Variants in LUZP2 observed in about 807,000 individuals in gnomAD.
LUZP2 encodes the protein leucine zipper protein 2.
A neutral mutation model predicts 51.6 loss-of-function variants in LUZP2; 52 were observed. The observed-to-expected ratio is 1.01, with a 90% CI of 0.81 to 1.27. The LOEUF (loss-of-function observed/expected upper bound fraction) is 1.27, where lower values mean the gene tolerates loss of function less well. Ranked by LOEUF, LUZP2 falls within the 50% of genes most tolerant of loss-of-function variation. The pLI is 0.00. For synonymous variants in LUZP2, 154 were observed against 137.3 expected (o/e 1.12, Z -0.85); for missense variants, 436 against 395.4 (o/e 1.10, Z -0.87).
At chr11:24,515,584 G>A (rs1850438709) in intron 1 of LUZP2, among the ~76,000 whole-genome samples, 1 of 152,138 alleles carries the variant, frequency 6.6e-6, no homozygotes, top group African/African-American at 2.4e-5. Context: ...GGGAATAGCT[G>A]TGTAAGGTGT....
At chr11:24,733,456 C>A (rs1858796849) in intron 3 of LUZP2, among the ~76,000 whole-genome samples, 1 of 151,646 alleles carries the variant, frequency 6.6e-6, no homozygotes, top group East Asian at 1.9e-4. Context: ...AATAGAAAAT[C>A]TTGTCATTTG....
At chr11:24,692,506 TA>T (rs929271189) in intron 1 of LUZP2, among the ~76,000 whole-genome samples, 1 of 152,010 alleles carries the variant, frequency 6.6e-6, no homozygotes, top group African/African-American at 2.4e-5. Context: ...CTGTTCACTG[TA>T]AAAAGAAAAA....
chr11:24,715,999 A>T (rs1858028187), intron 1 of LUZP2, among the ~76,000 whole-genome samples: 2 of 152,182 alleles, frequency 1.3e-5, no homozygotes, highest in Admixed American at 1.3e-4. Flanking sequence ...TCTTGCTTGT[A>T]GAATGTCCAC....
At chr11:24,509,064 T>A (rs1850225486) in intron 1 of LUZP2, among the ~76,000 whole-genome samples, 1 of 152,128 alleles carries the variant, frequency 6.6e-6, no homozygotes. Flanking sequence ...AAAGAACTTG[T>A]GTCATACACA....
intron 5 of LUZP2, among the ~76,000 whole-genome samples, chr11:24,837,152 T>G (rs912566922): frequency 6.6e-6 from 1 of 151,792 alleles, no homozygotes; most frequent in African/African-American, 2.4e-5. Context: ...TGACATATAT[T>G]AGAATATATA....
chr11:24,935,889 G>T (rs1854572667), intron 7 of LUZP2, among the ~76,000 whole-genome samples: 1 of 152,026 alleles, frequency 6.6e-6, no homozygotes, highest in Admixed American at 6.6e-5. Flanking sequence ...TAATGGTGAT[G>T]CCAATATAAT....
At chr11:24,578,325 T>A (rs1852727731) in intron 1 of LUZP2, among the ~76,000 whole-genome samples, 1 of 152,116 alleles carries the variant, frequency 6.6e-6, no homozygotes, top group South Asian at 2.1e-4. Context: ...CATAATATAC[T>A]TTTTGTTTTC....
intron 10 of LUZP2, among the ~76,000 whole-genome samples, chr11:25,075,254 G>A (rs182161008): frequency 6.6e-6 from 1 of 152,070 alleles, no homozygotes; most frequent in Non-Finnish European, 1.5e-5. Context: ...AAAGTATTTA[G>A]AATTAGGTGG....
intron 1 of LUZP2, among the ~76,000 whole-genome samples, chr11:24,633,533 A>G (rs1261081000): frequency 6.6e-6 from 1 of 152,080 alleles, no homozygotes; most frequent in African/African-American, 2.4e-5. Flanking sequence ...TGTTCTTCTC[A>G]GTTGTATTTT....
intron 1 of LUZP2, among the ~76,000 whole-genome samples, chr11:24,591,724 G>A (rs1853268629): frequency 1.3e-5 from 2 of 152,100 alleles, no homozygotes; most frequent in Admixed American, 1.3e-4. Context: ...GAAAAATTGT[G>A]ATAATAATAG....
intron 1 of LUZP2, among the ~76,000 whole-genome samples, chr11:24,548,593 G>T (rs570061082): frequency 1.4e-4 from 21 of 152,050 alleles, no homozygotes; most frequent in African/African-American, 5.1e-4. Context: ...AAAACTACCT[G>T]TCAGGTACTA....
intron 1 of LUZP2, among the ~76,000 whole-genome samples, chr11:24,694,789 G>A (rs1189289080): frequency 1.3e-5 from 2 of 151,994 alleles, no homozygotes; most frequent in Admixed American, 1.3e-4. Flanking sequence ...GATGAAGCTG[G>A]AAACCATTAT....
intron 9 of LUZP2, among the ~76,000 whole-genome samples, chr11:25,024,947 G>C (rs529662817): frequency 6.6e-6 from 1 of 150,820 alleles, no homozygotes; most frequent in Non-Finnish European, 1.5e-5. Context: ...CCAAAACAGA[G>C]ATATAGACCA....
chr11:24,864,361 T>C (rs534496937), intron 5 of LUZP2, among the ~76,000 whole-genome samples: 23 of 152,314 alleles, frequency 1.5e-4, no homozygotes, highest in African/African-American at 5.5e-4. Flanking sequence ...AAGGGATTTT[T>C]TGTGCCTTTA....
intron 8 of LUZP2, among the ~76,000 whole-genome samples, chr11:24,981,802 T>G (rs1856039283): frequency 6.6e-6 from 1 of 151,898 alleles, no homozygotes; most frequent in Non-Finnish European, 1.5e-5. Context: ...ATGGCAAGTT[T>G]CATCAACAGA....
intron 1 of LUZP2, among the ~76,000 whole-genome samples, chr11:24,697,062 A>G (rs568930116): frequency 6.6e-6 from 1 of 152,288 alleles, no homozygotes; most frequent in African/African-American, 2.4e-5. Context: ...GGCAAGGTCT[A>G]AATGATTAAG....
At chr11:24,999,508 A>G (rs534133592) in intron 9 of LUZP2, among the ~76,000 whole-genome samples, 2 of 151,630 alleles carry the variant, frequency 1.3e-5, no homozygotes, top group African/African-American at 4.8e-5. Flanking sequence ...AAGGAGAAGA[A>G]GAGGAGGAGG....
chr11:24,536,796 A>G (rs1322188551), intron 1 of LUZP2, among the ~76,000 whole-genome samples: 1 of 151,920 alleles, frequency 6.6e-6, no homozygotes, highest in Non-Finnish European at 1.5e-5. Context: ...CTTTGACACA[A>G]GAAGCCTTTC....
intron 1 of LUZP2, among the ~76,000 whole-genome samples, chr11:24,598,299 A>C (rs1182227745): frequency 6.6e-6 from 1 of 152,088 alleles, no homozygotes; most frequent in African/African-American, 2.4e-5. Flanking sequence ...AAATATAAGC[A>C]ATCAAAATGT....
Sources: gnomAD v4.1 joint callset for allele counts (sites outside exome capture counted in the v4.1 genomes callset) on GRCh38, gnomAD v4.1.1 for gene constraint, MANE v1.5 for transcripts, NCBI Gene and HGNC (gene_info 2026-07-23, HGNC 2026-07-21) for gene names.